The following KRTAP10-7 variants were observed in gnomAD, a reference collection of about 807,000 sequenced individuals.
The protein encoded by KRTAP10-7 is keratin-associated protein 10-7.
For synonymous variants in KRTAP10-7, 162 were observed against 199.6 expected, an observed-to-expected ratio of 0.81 and a Z score of 1.59; for missense variants, 394 against 474.3, an observed-to-expected ratio of 0.83 and a Z score of 1.57.
At position 44,601,820 on chromosome 21, in the gene KRTAP10-7, C is replaced by G; in HGVS notation, c.*86C>G. 6.5e-7 allele frequency: 1 copy of G among 1,528,354 alleles called. No individual in the cohort carries two copies. The highest frequency in any genetic ancestry group is 2.3e-5 in the East Asian group (1 of 43,524). The allele number at this position is 1,528,354 out of a possible 1,614,324, so 94.7% of individuals were successfully genotyped here. A position where few individuals can be genotyped will look rare whatever the true frequency, so the allele number is the denominator to read the frequency against. Reference sequence around the variant, plus strand: ...TTTACCCTTGACGGCTCTCCACATCCCGCTCCTAAGCCCTGCAGTGGACGT... The same window carrying G: ...TTTACCCTTGACGGCTCTCCACATCGCGCTCCTAAGCCCTGCAGTGGACGT... On this transcript the variant is annotated 3_prime_UTR_variant, in exon 1 of 1. Transcript: ENST00000609664.
Position 44,601,520 on chromosome 21 carries a change from C to T in KRTAP10-7, c.899C>T (p.Thr300Ile). The T allele has an allele frequency of 2.5e-6, 4 of 1,613,500 alleles. No individual in the cohort carries two copies. The highest frequency in any genetic ancestry group is 2.5e-6 in the Non-Finnish European group (3 of 1,179,780). The part of the protein sequence containing the change: ...QSSCQPACCT[T>I]SCCRPSSSVS... ...AGCTGCCAGCCGGCTTGCTGCACCA[C>T]CTCCTGCTGCAGACCCTCCTCCTCC... The change falls in exon 1 of 1, where the codon ACC (threonine) becomes ATC (isoleucine). Residue 300 changes from threonine to isoleucine, a missense_variant. By Grantham distance (89) the Thr-to-Ile change is moderately conservative. Transcript: ENST00000609664.
chr21:44,601,062 C>T lies in KRTAP10-7; in HGVS notation c.441C>T (p.Thr147=), dbSNP rs782027752. Residue 147 remains threonine, a synonymous_variant, in exon 1 of 1, where the codon ACC becomes ACT. Coordinates refer to ENST00000609664, the MANE Select transcript of KRTAP10-7 (RefSeq NM_198689.3). ...CTAGCTGCCAGTCAGCTTGCTGCAC[C>T]TCCTCCCCCTGCCAGCAGGCCTGCT... ...QQSSCQSACC[T]SSPCQQACCV... is the part of the protein sequence containing the mutation. The T allele has an allele frequency of 3.7e-6, 6 of 1,611,780 alleles. No individual in the cohort carries two copies. Among genetic ancestry groups the T allele is most frequent in the Non-Finnish European group, 5.1e-6 (6 of 1,179,626 alleles).
Position 44,600,752 on chromosome 21 carries a change from C to A in KRTAP10-7, c.131C>A (p.Pro44His), listed in dbSNP as rs1313267391. The change falls in exon 1 of 1, where the codon CCC becomes CAC. Residue 44 changes from proline (P) to histidine (H), a missense_variant. Physicochemically the swap from Pro to His is moderately conservative, Grantham distance 77. Coordinates refer to ENST00000609664, the MANE Select transcript of KRTAP10-7 (RefSeq NM_198689.3). ...VDDCPESCCEPPCCAPAPCLS... is the reference protein window; with the variant it reads ...VDDCPESCCEHPCCAPAPCLS... ...GACTGCCCAGAGAGCTGCTGCGAGC[C>A]CCCCTGCTGCGCCCCGGCCCCCTGC... is the stretch of plus-strand genomic sequence containing the variant. 1 of 1,609,016 alleles carries A rather than the reference C, an allele frequency of 6.2e-7. No individual in the cohort carries two copies. The highest frequency in any genetic ancestry group is 8.5e-7 in the Non-Finnish European group (1 of 1,179,396).
At position 44,601,411 on chromosome 21, in the gene KRTAP10-7, G is replaced by C; in HGVS notation, c.790G>C (p.Gly264Arg). 6.2e-7 allele frequency: 1 copy of C among 1,612,330 alleles called. No homozygotes were observed. Among genetic ancestry groups the C allele is most frequent in the South Asian group, 1.1e-5 (1 of 90,848 alleles). ...CTGCACCTCCTCCCAAAGCCAGCAG[G>C]GCTGCTGCGTGCCCGTCTGCTGTAA... ...ACCTSSQSQQ[G>R]CCVPVCCKPV... is the part of the protein sequence containing the mutation. The change falls in exon 1 of 1, where the codon GGC becomes CGC. Residue 264 changes from glycine to arginine, a missense_variant. Transcript: ENST00000609664.
Position 44,601,461 on chromosome 21 carries a change from C to T in KRTAP10-7, c.840C>T (p.Cys280=). ...CCKPVCCVPV[C]SGASTSCCQQ... is the part of the protein sequence containing the mutation. The stretch of plus-strand genomic sequence containing the variant: ...AGCCTGTGTGCTGTGTGCCCGTCTG[C>T]TCTGGGGCTTCCACTTCATGCTGCC... Residue 280 remains cysteine, a synonymous_variant, in exon 1 of 1, where the codon TGC becomes TGT. Transcript: ENST00000609664. 1 of 1,611,996 alleles carries T rather than the reference C, an allele frequency of 6.2e-7. No homozygotes were observed. The highest frequency in any genetic ancestry group is 8.5e-7 in the Non-Finnish European group (1 of 1,179,088).
chr21:44,601,638 C>T lies in KRTAP10-7; in HGVS notation c.1017C>T (p.Cys339=). Residue 339 remains cysteine (C), a synonymous_variant, in exon 1 of 1, where the codon TGC becomes TGT. Coordinates refer to ENST00000609664, the MANE Select transcript of KRTAP10-7 (RefSeq NM_198689.3). ...CCACCTCCTCCTGCCAGGCCAGCTG[C>T]TGCCGCCCAGCCTCCTGTGTGTCTC... ...CAPTSSCQAS[C]CRPASCVSLL... 1 of 1,613,630 alleles carries T rather than the reference C, an allele frequency of 6.2e-7. No homozygotes were observed. The highest frequency in any genetic ancestry group is 1.3e-5 in the African/African-American group (1 of 75,024).
At position 44,601,192 on chromosome 21, in the gene KRTAP10-7, T is replaced by C. The variant is rs587615795; in HGVS notation, c.571T>C (p.Cys191Arg). Residue 191 changes from cysteine (C) to arginine (R), a missense_variant, in exon 1 of 1, where the codon TGT becomes CGT. Coordinates refer to ENST00000609664, the MANE Select transcript of KRTAP10-7 (RefSeq NM_198689.3). ...CVSSPCCQAV[C>R]EPSPCQSGCI... ...GTCCAGTCCCTGCTGCCAGGCGGTC[T>C]GTGAGCCCAGCCCCTGCCAATCAGG... The C allele has an allele frequency of 1.4e-5, 22 of 1,602,014 alleles. No individual in the cohort carries two copies. The African/African-American group carries it at 2.5e-4, about 18-fold the overall frequency.
Position 44,601,512 on chromosome 21 carries a change from C to T in KRTAP10-7, c.891C>T (p.Cys297=). The change falls in exon 1 of 1, where the codon TGC becomes TGT. Residue 297 remains cysteine, a synonymous_variant. Transcript: ENST00000609664. ...CCQQSSCQPA[C]CTTSCCRPSS... ...AGCAGTCTAGCTGCCAGCCGGCTTG[C>T]TGCACCACCTCCTGCTGCAGACCCT... is the stretch of plus-strand genomic sequence containing the variant. The T allele has an allele frequency of 6.2e-7, 1 of 1,613,192 alleles. No homozygotes were observed. Among genetic ancestry groups the T allele is most frequent in the Non-Finnish European group, 8.5e-7 (1 of 1,179,686 alleles).
Position 44,600,910 on chromosome 21 carries a change from C to A in KRTAP10-7, c.289C>A (p.Leu97Met), listed in dbSNP as rs587743866. 6.2e-7 allele frequency: 1 copy of A among 1,611,708 alleles called. No individual in the cohort carries two copies. The highest frequency in any genetic ancestry group is 1.4e-5 in the African/African-American group (1 of 73,570). The change falls in exon 1 of 1, where the codon CTG becomes ATG. Residue 97 changes from leucine to methionine, a missense_variant. Transcript: ENST00000609664. ...GTGCTGCCAGCAGTCTAGCTGCCAGCTGGCTTGCTGTGCCTCCTCCCCCTG... is the reference window on the plus strand; with the variant it reads ...GTGCTGCCAGCAGTCTAGCTGCCAGATGGCTTGCTGTGCCTCCTCCCCCTG... ...PSCCQQSSCQ[L>M]ACCASSPCQQ...
rs437334 is a variant in KRTAP10-7, at chr21:44,601,566, C to T, written c.945C>T (p.Pro315=). ...CCTCCGTGTCCCTCCTCTGCCGCCC[C>T]GTGTGCAGGCCCGCCTGCTGCGTGC... ...PSSSVSLLCR[P]VCRPACCVPV... The change falls in exon 1 of 1, where the codon CCC becomes CCT. Residue 315 remains proline (P), a synonymous_variant. Transcript: ENST00000609664. 138,561 of 1,613,708 alleles carry T rather than the reference C, an allele frequency of 0.086. 11,172 individuals carry two copies. The highest frequency in any genetic ancestry group is 0.4 in the African/African-American group (30,099 of 74,818).
Position 44,601,968 on chromosome 21 carries a change from C to A in KRTAP10-7, c.*234C>A. The A allele has an allele frequency of 4.7e-6, 3 of 643,886 alleles. No homozygotes were observed. The highest frequency in any genetic ancestry group is 8.1e-6 in the Non-Finnish European group (3 of 368,652). 39.9% of individuals were successfully genotyped at this position (643,886 alleles called of 1,614,324 possible). ...TCCCCAGCAACAGGTGGGCAGTGAC[C>A]CCAGCAAGGCCAGCGGGTGCTCCCA... On this transcript the variant is annotated 3_prime_UTR_variant, in exon 1 of 1. Transcript: ENST00000609664.
In KRTAP10-7 at chr21:44,600,740, G is replaced by GCTGCTGCGAGCCCCC; in HGVS notation, c.128_142dup (p.Glu43_Cys47dup). The GCTGCTGCGAGCCCCC allele has an allele frequency of 6.2e-7, 1 of 1,611,114 alleles. No individual in the cohort carries two copies. ...TGGCAGGTGGACGACTGCCCAGAGA[G>GCTGCTGCGAGCCCCC]CTGCTGCGAGCCCCCCTGCTGCGCC... On this transcript the variant is annotated inframe_insertion, in exon 1 of 1. Transcript: ENST00000609664.
In KRTAP10-7 at chr21:44,601,287, C is replaced by A; in HGVS notation, c.666C>A (p.Ser222=). The A allele has an allele frequency of 6.2e-7, 1 of 1,609,310 alleles. No homozygotes were observed. Among genetic ancestry groups the A allele is most frequent in the East Asian group, 2.2e-5 (1 of 44,466 alleles). Residue 222 remains serine, a synonymous_variant, in exon 1 of 1, where the codon TCC becomes TCA. Transcript: ENST00000609664. ...SSCKPACCTS[S]PCQQACCVPV... ...GCAAGCCGGCTTGCTGCACCTCCTC[C>A]CCTTGCCAGCAGGCCTGCTGTGTGC...
In KRTAP10-7 at chr21:44,601,207, T is replaced by C; in HGVS notation, c.586T>C (p.Cys196Arg). 6.2e-7 allele frequency: 1 copy of C among 1,600,830 alleles called. No homozygotes were observed. The highest frequency in any genetic ancestry group is 8.5e-7 in the Non-Finnish European group (1 of 1,177,158). The change falls in exon 1 of 1, where the codon TGC (cysteine) becomes CGC (arginine). Residue 196 changes from cysteine to arginine, a missense_variant. Physicochemically the swap from Cys to Arg is radical, Grantham distance 180 (BLOSUM62 -3). Transcript: ENST00000609664. ...CCAGGCGGTCTGTGAGCCCAGCCCC[T>C]GCCAATCAGGCTGCATCAGCTCCTG... ...CCQAVCEPSP[C>R]QSGCISSCTP...
Position 44,601,680 on chromosome 21 carries a change from A to C in KRTAP10-7, c.1059A>C (p.Ala353=), listed in dbSNP as rs782219309. 2 of 1,612,264 alleles carry C rather than the reference A, an allele frequency of 1.2e-6. No homozygotes were observed. The highest frequency in any genetic ancestry group is 8.5e-7 in the Non-Finnish European group (1 of 1,179,082). ...ASCVSLLCRP[A]CSRPACCGPT... is the part of the protein sequence containing the mutation. The stretch of plus-strand genomic sequence containing the variant: ...GTGTGTCTCTCCTTTGCCGCCCCGC[A>C]TGCTCCCGCCCGGCCTGCTGTGGCC... The change falls in exon 1 of 1, where the codon GCA becomes GCC. Residue 353 remains alanine (A), a synonymous_variant. Coordinates refer to ENST00000609664, the MANE Select transcript of KRTAP10-7 (RefSeq NM_198689.3).
In KRTAP10-7 at chr21:44,601,597, CCCTCCTGCTGCGCCCCCACCT is replaced by C. The variant is rs1569213395; in HGVS notation, c.985_1005del (p.Cys329_Cys335del). ...CAGGCCCGCCTGCTGCGTGCCCGTC[CCCTCCTGCTGCGCCCCCACCT>C]CCTCCTGCCAGGCCAGCTGCTGCCG... On this transcript the variant is annotated inframe_deletion, in exon 1 of 1. Transcript: ENST00000609664. 1 of 1,612,594 alleles carries C rather than the reference CCCTCCTGCTGCGCCCCCACCT, an allele frequency of 6.2e-7. No individual in the cohort carries two copies.
chr21:44,601,450 G>T lies in KRTAP10-7; in HGVS notation c.829G>T (p.Val277Leu), dbSNP rs781833744. ...VPVCCKPVCC[V>L]PVCSGASTSC... ...CGTCTGCTGTAAGCCTGTGTGCTGTGTGCCCGTCTGCTCTGGGGCTTCCAC... is the reference window on the plus strand; with the variant it reads ...CGTCTGCTGTAAGCCTGTGTGCTGTTTGCCCGTCTGCTCTGGGGCTTCCAC... The change falls in exon 1 of 1, where the codon GTG (valine) becomes TTG (leucine). Residue 277 changes from valine to leucine, a missense_variant. By Grantham distance (32) the Val-to-Leu change is conservative. Transcript: ENST00000609664. 1.2e-6 allele frequency: 2 copies of T among 1,610,460 alleles called. No homozygotes were observed. Among genetic ancestry groups the T allele is most frequent in the South Asian group, 2.2e-5 (2 of 90,722 alleles).
rs782042888 is a variant in KRTAP10-7, at chr21:44,601,193, G to T, written c.572G>T (p.Cys191Phe). 6.2e-7 allele frequency: 1 copy of T among 1,601,164 alleles called. No individual in the cohort carries two copies. The highest frequency in any genetic ancestry group is 1.7e-5 in the Admixed American group (1 of 57,726). Residue 191 changes from cysteine (C) to phenylalanine (F), a missense_variant, in exon 1 of 1, where the codon TGT becomes TTT. Transcript: ENST00000609664. ...TCCAGTCCCTGCTGCCAGGCGGTCT[G>T]TGAGCCCAGCCCCTGCCAATCAGGC... ...CVSSPCCQAV[C>F]EPSPCQSGCI...
At position 44,601,591 on chromosome 21, in the gene KRTAP10-7, C is replaced by G; in HGVS notation, c.970C>G (p.Pro324Ala). 2.5e-6 allele frequency: 4 copies of G among 1,613,576 alleles called. No individual in the cohort carries two copies. The highest frequency in any genetic ancestry group is 3.4e-6 in the Non-Finnish European group (4 of 1,179,754). Residue 324 changes from proline (P) to alanine (A), a missense_variant, in exon 1 of 1, where the codon CCC (proline) becomes GCC (alanine). By Grantham distance (27) the Pro-to-Ala change is conservative. Transcript: ENST00000609664. ...CGTGTGCAGGCCCGCCTGCTGCGTGCCCGTCCCCTCCTGCTGCGCCCCCAC... is the reference window on the plus strand; with the variant it reads ...CGTGTGCAGGCCCGCCTGCTGCGTGGCCGTCCCCTCCTGCTGCGCCCCCAC... ...RPVCRPACCVPVPSCCAPTSS... is the reference protein window; with the variant it reads ...RPVCRPACCVAVPSCCAPTSS...
Sources: gnomAD v4.1 joint callset for allele counts on GRCh38, gnomAD v4.1.1 for gene constraint, MANE v1.5 for transcripts, NCBI Gene and HGNC (gene_info 2026-07-23, HGNC 2026-07-21) for gene names.